The following AP5S1 variants were observed in gnomAD, a reference collection of about 807,000 sequenced individuals.
AP5S1 encodes the protein adaptor related protein complex 5 subunit sigma 1.
A neutral mutation model predicts 13.9 loss-of-function variants in AP5S1; 13 were observed. The observed-to-expected ratio is 0.94, with a 90% confidence interval of 0.61 to 1.49. The LOEUF (loss-of-function observed/expected upper bound fraction) is 1.49, where lower values mean the gene tolerates loss of function less well. Among genes scored for constraint, AP5S1 ranks in the 40% most tolerant of loss-of-function variants. The pLI, the probability that AP5S1 is intolerant of heterozygous loss-of-function variation, is 0.00. For synonymous variants in AP5S1, 132 were observed against 121.8 expected, an observed-to-expected ratio of 1.08 and a Z score of -0.55; for missense variants, 292 against 272.3, an observed-to-expected ratio of 1.07 and a Z score of -0.51.
Position 3,824,452 on chromosome 20 carries a change from T to G in AP5S1, c.*155T>G. ...TGCAGAAAGGGGGCTGGGCAGAGGG[T>G]GGAGGAGGTCCTGCCTGTCCTCAGG... On this transcript the variant is annotated 3_prime_UTR_variant, in exon 3 of 3. Transcript: ENST00000615891. 1 of 760,080 alleles carries G rather than the reference T, an allele frequency of 1.3e-6. No individual in the cohort carries two copies. The highest frequency in any genetic ancestry group is 2.1e-6 in the Non-Finnish European group (1 of 480,284). The allele number at this position is 760,080 out of a possible 1,614,324, so 47.1% of individuals were successfully genotyped here. A position where few individuals can be genotyped will look rare whatever the true frequency, so the allele number is the denominator to read the frequency against.
rs1238834215 is a variant in AP5S1 at position 3,826,774 on chromosome 20, A to T, written c.*2477A>T. 6.6e-6 allele frequency: 1 copy of T among 152,124 alleles called. No homozygotes were observed. The highest frequency in any genetic ancestry group is 1.5e-5 in the Non-Finnish European group (1 of 68,046). 9.4% of individuals were successfully genotyped at this position (152,124 alleles called of 1,614,324 possible). On this transcript the variant is annotated 3_prime_UTR_variant, in exon 3 of 3. Coordinates refer to ENST00000615891, the MANE Select transcript of AP5S1 (RefSeq NM_018347.3). The stretch of plus-strand genomic sequence containing the variant: ...GCCTCTTGGGCTGGGTTTCCACCAC[A>T]ATTTATGCTCACCATATATTTATCG...
rs1470146432 is a variant in AP5S1 at position 3,824,347 on chromosome 20, G to T, written c.*50G>T. On this transcript the variant is annotated 3_prime_UTR_variant, in exon 3 of 3. Coordinates refer to ENST00000615891, the MANE Select transcript of AP5S1 (RefSeq NM_018347.3). The stretch of plus-strand genomic sequence containing the variant: ...AGGGCAGGCAGAGGGTAGACACACA[G>T]CCAGATGAAGCTTGGCATCTCCCTC... 3.2e-6 allele frequency: 5 copies of T among 1,541,064 alleles called. No individual in the cohort carries two copies. The highest frequency in any genetic ancestry group is 4.4e-6 in the Non-Finnish European group (5 of 1,129,796).
Position 3,824,467 on chromosome 20 carries a change from C to A in AP5S1, c.*170C>A. ...GGGCAGAGGGTGGAGGAGGTCCTGC[C>A]TGTCCTCAGGTTAGTGGAACCACAG... On this transcript the variant is annotated 3_prime_UTR_variant, in exon 3 of 3. Transcript: ENST00000615891. The A allele has an allele frequency of 1.5e-6, 1 of 687,722 alleles. No homozygotes were observed. Among genetic ancestry groups the A allele is most frequent in the Non-Finnish European group, 2.4e-6 (1 of 416,514 alleles). 42.6% of individuals were successfully genotyped at this position (687,722 alleles called of 1,614,324 possible).
Position 3,823,927 on chromosome 20 carries a change from A to G in AP5S1, c.233A>G (p.Asp78Gly). The G allele has an allele frequency of 1.9e-6, 3 of 1,604,968 alleles. No homozygotes were observed. The highest frequency in any genetic ancestry group is 2.5e-6 in the Non-Finnish European group (3 of 1,179,826). ...QQQASGRPPM[D>G]LQPQSSDEQV... ...CAGGCATCTGGCCGGCCCCCCATGG[A>G]CCTGCAGCCGCAATCCTCAGATGAG... The change falls in exon 3 of 3, where the codon GAC (aspartate) becomes GGC (glycine). Residue 78 changes from aspartate (D) to glycine (G), a missense_variant. By Grantham distance (94) the Asp-to-Gly change is moderately conservative. Coordinates refer to ENST00000615891, the MANE Select transcript of AP5S1 (RefSeq NM_018347.3).
intron 1 of AP5S1, among the ~76,000 whole-genome samples, chr20:3,821,494 C>G (rs1311842759): frequency 6.6e-6 from 1 of 152,102 alleles, no homozygotes; most frequent in Non-Finnish European, 1.5e-5. Flanking sequence ...GCTTCAGCCT[C>G]TCAAGTAGCT....
In AP5S1 at chr20:3,827,998, G is replaced by T. The variant is rs1247741637; in HGVS notation, c.*3701G>T. On this transcript the variant is annotated 3_prime_UTR_variant, in exon 3 of 3. Coordinates refer to ENST00000615891, the MANE Select transcript of AP5S1 (RefSeq NM_018347.3). ...GCTGGTCTCGAACTCCTTACCTCAG[G>T]TGATCCACCCATATTGGCCTCCCAA... is the stretch of plus-strand genomic sequence containing the variant. The T allele has an allele frequency of 6.6e-6, 1 of 152,012 alleles. No individual in the cohort carries two copies. The highest frequency in any genetic ancestry group is 1.5e-5 in the Non-Finnish European group (1 of 68,018). The allele number at this position is 152,012 out of a possible 1,614,324, so 9.4% of individuals were successfully genotyped here. A position where few individuals can be genotyped will look rare whatever the true frequency, so the allele number is the denominator to read the frequency against.
rs1292535465 is a variant in AP5S1 at position 3,824,172 on chromosome 20, C to G, written c.478C>G (p.Leu160Val). 1.9e-6 allele frequency: 3 copies of G among 1,614,162 alleles called. No homozygotes were observed. In the South Asian group the frequency reaches 3.3e-5, roughly 18 times the overall value. Reference sequence around the variant, plus strand: ...GCTGCTGGCGCCCAGCACCAGCCTTCTGCTGCGGGCTGACCGCATTGAGGG... The same window carrying G: ...GCTGCTGGCGCCCAGCACCAGCCTTGTGCTGCGGGCTGACCGCATTGAGGG... The part of the protein sequence containing the change: ...LRLLAPSTSL[L>V]LRADRIEGIL... Residue 160 changes from leucine to valine, a missense_variant, in exon 3 of 3, where the codon CTG (leucine) becomes GTG (valine). Coordinates refer to ENST00000615891, the MANE Select transcript of AP5S1 (RefSeq NM_018347.3).
chr20:3,822,070 T>C, intron 1 of AP5S1, 32 bp from the exon 2 acceptor site: 1 of 1,598,676 alleles, frequency 6.3e-7, no homozygotes, highest in Non-Finnish European at 8.5e-7. Context: ...GGGTTCACTC[T>C]CACCTTACCA....
chr20:3,825,139 C>G lies in AP5S1; in HGVS notation c.*842C>G, dbSNP rs1448034641. ...GCCAATCAGCAGCAGGATTCTGCAGCTCCTTTTGTGCCAAGCCCGTTCCCA... is the reference window on the plus strand; with the variant it reads ...GCCAATCAGCAGCAGGATTCTGCAGGTCCTTTTGTGCCAAGCCCGTTCCCA... On this transcript the variant is annotated 3_prime_UTR_variant, in exon 3 of 3. Coordinates refer to ENST00000615891, the MANE Select transcript of AP5S1 (RefSeq NM_018347.3). 6.6e-6 allele frequency: 1 copy of G among 152,244 alleles called. No individual in the cohort carries two copies. Among genetic ancestry groups the G allele is most frequent in the Non-Finnish European group, 1.5e-5 (1 of 68,084 alleles). 9.4% of individuals were successfully genotyped at this position (152,244 alleles called of 1,614,324 possible).
In AP5S1 at chr20:3,824,998, A is replaced by T. The variant is rs1395399695; in HGVS notation, c.*701A>T. Reference sequence around the variant, plus strand: ...GGGTCTCAGACTCCCCTGAGGGTGGAGGAGCTGTGCCTGCATGCTGGCAGG... The same window carrying T: ...GGGTCTCAGACTCCCCTGAGGGTGGTGGAGCTGTGCCTGCATGCTGGCAGG... On this transcript the variant is annotated 3_prime_UTR_variant, in exon 3 of 3. Transcript: ENST00000615891. The T allele has an allele frequency of 1.3e-5, 2 of 151,416 alleles. No homozygotes were observed. Among genetic ancestry groups the T allele is most frequent in the Non-Finnish European group, 2.9e-5 (2 of 67,980 alleles). The allele number at this position is 151,416 out of a possible 1,614,324, so 9.4% of individuals were successfully genotyped here. A position where few individuals can be genotyped will look rare whatever the true frequency, so the allele number is the denominator to read the frequency against.
At chr20:3,823,397 C>T (rs557482616) in intron 2 of AP5S1, 139 of 339,840 alleles carry the variant, frequency 4.1e-4, no homozygotes, top group African/African-American at 2.7e-3. Context: ...TACAGGCGCC[C>T]GCCACCACGC....
rs909154351 is a variant in AP5S1, at chr20:3,824,187, C to T, written c.493C>T (p.Arg165Cys). ...CACCAGCCTTCTGCTGCGGGCTGAC[C>T]GCATTGAGGGCATCCTCACCCGCTT... ...PSTSLLLRAD[R>C]IEGILTRFLP... Residue 165 changes from arginine (R) to cysteine (C), a missense_variant, in exon 3 of 3, where the codon CGC becomes TGC. Arg to Cys is a radical substitution (Grantham distance 180). Coordinates refer to ENST00000615891, the MANE Select transcript of AP5S1 (RefSeq NM_018347.3). 2.3e-5 allele frequency: 37 copies of T among 1,614,032 alleles called. No homozygotes were observed. Among genetic ancestry groups the T allele is most frequent in the Admixed American group, 8.3e-5 (5 of 60,010 alleles).
chr20:3,824,385 T>A lies in AP5S1; in HGVS notation c.*88T>A. On this transcript the variant is annotated 3_prime_UTR_variant, in exon 3 of 3. Transcript: ENST00000615891. ...TGGCATCTCCCTCCTACCCAGCAGC[T>A]CTGATGTGCTGCTATACCAGGACAA... is the stretch of plus-strand genomic sequence containing the variant. The A allele has an allele frequency of 7.6e-7, 1 of 1,314,354 alleles. No individual in the cohort carries two copies. Among genetic ancestry groups the A allele is most frequent in the Non-Finnish European group, 1.1e-6 (1 of 947,402 alleles). The allele number at this position is 1,314,354 out of a possible 1,614,324, so 81.4% of individuals were successfully genotyped here.
At chr20:3,823,339 C>T (rs1028448045) in intron 2 of AP5S1, among the ~76,000 whole-genome samples, 3 of 152,196 alleles carry the variant, frequency 2.0e-5, no homozygotes, top group African/African-American at 7.2e-5. Context: ...ACCTCCGCCT[C>T]CTGGGTTCAT....
At chr20:3,823,405 C>A (rs6052097) in intron 2 of AP5S1, 1 of 408,428 alleles carries the variant, frequency 2.4e-6, no homozygotes, top group Non-Finnish European at 3.3e-6. Flanking sequence ...CCCGCCACCA[C>A]GCCTGGCTAA....
At position 3,824,243 on chromosome 20, in the gene AP5S1, C is replaced by A; in HGVS notation, c.549C>A (p.Asn183Lys). ...CACATGGTCAGCTGCTTTTCCTCAA[C>A]GACCAGTTTGTCCAAGGCCTGGAGA... Reference protein sequence around the residue: ...FLPHGQLLFLNDQFVQGLEKE... With the variant: ...FLPHGQLLFLKDQFVQGLEKE... The change falls in exon 3 of 3, where the codon AAC (asparagine) becomes AAA (lysine). Residue 183 changes from asparagine (N) to lysine (K), a missense_variant. Physicochemically the swap from Asn to Lys is moderately conservative, Grantham distance 94. Transcript: ENST00000615891. The A allele has an allele frequency of 1.9e-6, 3 of 1,614,218 alleles. No homozygotes were observed. Among genetic ancestry groups the A allele is most frequent in the Non-Finnish European group, 2.5e-6 (3 of 1,180,046 alleles).
At position 3,823,926 on chromosome 20, in the gene AP5S1, G is replaced by A; in HGVS notation, c.232G>A (p.Asp78Asn). The A allele has an allele frequency of 6.2e-7, 1 of 1,605,042 alleles. No homozygotes were observed. Among genetic ancestry groups the A allele is most frequent in the Non-Finnish European group, 8.5e-7 (1 of 1,179,870 alleles). Residue 78 changes from aspartate (D) to asparagine (N), a missense_variant, in exon 3 of 3, where the codon GAC becomes AAC. Coordinates refer to ENST00000615891, the MANE Select transcript of AP5S1 (RefSeq NM_018347.3). ...GCAGGCATCTGGCCGGCCCCCCATG[G>A]ACCTGCAGCCGCAATCCTCAGATGA... ...QQQASGRPPM[D>N]LQPQSSDEQV...
In AP5S1 at chr20:3,822,404, A is replaced by G. The variant is rs576425863; in HGVS notation, c.176+111A>G. On this transcript the variant is annotated intron_variant, in intron 2 of 2. Transcript: ENST00000615891. ...TAGGAGGACTAAGAAGCAGAGAGGA[A>G]GTTTTAGAGTAGCATTTCCCAGAGA... The G allele has an allele frequency of 7.2e-4, 742 of 1,025,396 alleles. 1 individual carries two copies. Among genetic ancestry groups the G allele is most frequent in the Admixed American group, 1.3e-3 (58 of 43,650 alleles). The allele number at this position is 1,025,396 out of a possible 1,614,324, so 63.5% of individuals were successfully genotyped here.
At position 3,824,491 on chromosome 20, in the gene AP5S1, A is replaced by G. The variant is rs1455851495; in HGVS notation, c.*194A>G. On this transcript the variant is annotated 3_prime_UTR_variant, in exon 3 of 3. Transcript: ENST00000615891. ...CCTGTCCTCAGGTTAGTGGAACCAC[A>G]GAACTTCCTGAGCCTAGAGCTGCTG... is the stretch of plus-strand genomic sequence containing the variant. 4.8e-6 allele frequency: 3 copies of G among 624,238 alleles called. No homozygotes were observed. The highest frequency in any genetic ancestry group is 5.5e-6 in the Non-Finnish European group (2 of 361,236). 38.7% of individuals were successfully genotyped at this position (624,238 alleles called of 1,614,324 possible). A position where few individuals can be genotyped will look rare whatever the true frequency, so the allele number is the denominator to read the frequency against.
Sources: allele counts gnomAD v4.1 joint callset (sites outside exome capture counted in the v4.1 genomes callset), GRCh38; gene constraint gnomAD v4.1.1; transcripts MANE v1.5; gene names NCBI Gene and HGNC (gene_info 2026-07-23, HGNC 2026-07-21).